The following PTP4A1 variants were observed in gnomAD, a reference collection of about 807,000 sequenced individuals.
The protein encoded by PTP4A1 is protein tyrosine phosphatase type IVA 1.
A neutral mutation model predicts 20.5 loss-of-function variants in PTP4A1; 9 were observed. The ratio of observed to expected loss-of-function variants is 0.44; its 90% CI spans 0.26 to 0.77. The LOEUF is 0.77. Ranked by LOEUF, PTP4A1 falls within the 30% of genes least tolerant of loss-of-function variation. The probability of loss-of-function intolerance (pLI) is 0.19; values close to 1 mark genes in which losing one functional copy is unlikely to be tolerated. For missense variants in PTP4A1, 137 were observed against 218.8 expected, an observed-to-expected ratio of 0.63 and a Z score of 2.36; for synonymous variants, 78 against 67.4, an observed-to-expected ratio of 1.16 and a Z score of -0.77.
chr6:63,518,201 T>A (rs951054868), upstream of PTP4A1, among the ~76,000 whole-genome samples: 1 of 152,046 alleles, frequency 6.6e-6, no homozygotes, highest in Non-Finnish European at 1.5e-5. Context: ...GACTATCCCT[T>A]TACTATGGAA....
At chr6:63,569,467 G>C (rs1453329546), upstream of PTP4A1, among the ~76,000 whole-genome samples, 1 of 152,122 alleles carries the variant, frequency 6.6e-6, no homozygotes, top group Non-Finnish European at 1.5e-5. Context: ...ATGTTGACCA[G>C]GCTGGTCTTG....
upstream of PTP4A1, among the ~76,000 whole-genome samples, chr6:63,519,255 C>T (rs1288630775): frequency 3.3e-5 from 5 of 150,792 alleles, no homozygotes; most frequent in African/African-American, 1.2e-4. Context: ...TGCAGTGAGC[C>T]GAGATCACAC....
chr6:63,580,974 CT>C lies in PTP4A1; in HGVS notation c.*803del, dbSNP rs1300970406. 1 of 152,236 alleles carries C rather than the reference CT, an allele frequency of 6.6e-6. No homozygotes were observed. Among genetic ancestry groups the C allele is most frequent in the South Asian group, 2.1e-4 (1 of 4,824 alleles). 9.4% of individuals were successfully genotyped at this position (152,236 alleles called of 1,614,324 possible). ...TTAATTATTTTTAGCAAAATGTTGC[CT>C]TTGTCTTGTGCAAACATGTAGAATA... On this transcript the variant is annotated 3_prime_UTR_variant, in exon 6 of 6. Transcript: ENST00000626021.
Position 63,576,851 on chromosome 6 carries a change from C to T in PTP4A1, c.-30C>T, listed in dbSNP as rs559418246. The T allele has an allele frequency of 6.4e-7, 1 of 1,551,056 alleles. No individual in the cohort carries two copies. Among genetic ancestry groups the T allele is most frequent in the Non-Finnish European group, 8.9e-7 (1 of 1,128,470 alleles). On this transcript the variant is annotated 5_prime_UTR_variant, in exon 2 of 6. Transcript: ENST00000626021. Reference sequence around the variant, plus strand: ...TTCAATTTTTTTAATTATTTCATAACCCTATTGAGTGTTTTTTAACTAAAT... The same window carrying T: ...TTCAATTTTTTTAATTATTTCATAATCCTATTGAGTGTTTTTTAACTAAAT...
At chr6:63,518,271 T>C (rs1449309218), upstream of PTP4A1, among the ~76,000 whole-genome samples, 4 of 152,216 alleles carry the variant, frequency 2.6e-5, no homozygotes, top group East Asian at 7.7e-4. Flanking sequence ...TAGATTGCTA[T>C]TTTGCTTTCC....
chr6:63,519,011 A>G (rs138626138), upstream of PTP4A1, among the ~76,000 whole-genome samples: 1,308 of 152,282 alleles, frequency 8.6e-3, 23 homozygotes, highest in African/African-American at 0.03. Context: ...ATTCACACTA[A>G]GTGAGATAAA....
Position 63,572,612 on chromosome 6 carries a change from G to A in PTP4A1, c.-553G>A, listed in dbSNP as rs1054579579. 18 of 419,320 alleles carry A rather than the reference G, an allele frequency of 4.3e-5. No homozygotes were observed. The Admixed American group carries it at 6.6e-4, about 15-fold the overall frequency. 26.0% of individuals were successfully genotyped at this position (419,320 alleles called of 1,614,324 possible). ...ATCGCCGCCACCGCCGCTCCGCCAC[G>A]ACCACCGCCGCCTCCTGCCCTGCAG... On this transcript the variant is annotated 5_prime_UTR_variant, in exon 1 of 6. Transcript: ENST00000626021.
intron 3 of PTP4A1, among the ~76,000 whole-genome samples, chr6:63,559,272 T>C (rs1776829076): frequency 6.6e-6 from 1 of 152,218 alleles, no homozygotes; most frequent in Admixed American, 6.5e-5. Flanking sequence ...CATAATATAA[T>C]GATACTTGTA....
intron 3 of PTP4A1, among the ~76,000 whole-genome samples, chr6:63,551,619 G>T (rs2149490419): frequency 6.6e-6 from 1 of 152,152 alleles, no homozygotes; most frequent in Middle Eastern, 3.4e-3. Flanking sequence ...CATGTGCCAT[G>T]TTGGTGTGCT....
upstream of PTP4A1, among the ~76,000 whole-genome samples, chr6:63,520,341 A>G (rs919438458): frequency 6.6e-6 from 1 of 152,176 alleles, no homozygotes. Context: ...TAAAAATGAA[A>G]ATAGACTGGG....
chr6:63,581,008 T>C lies in PTP4A1; in HGVS notation c.*834T>C, dbSNP rs1420004892. On this transcript the variant is annotated 3_prime_UTR_variant, in exon 6 of 6. Transcript: ENST00000626021. ...GTGCAAACATGTAGAATATGCTCTT[T>C]AATTTAGTAAAATATTTTTTTAAAA... 2 of 152,256 alleles carry C rather than the reference T, an allele frequency of 1.3e-5. No individual in the cohort carries two copies. The highest frequency in any genetic ancestry group is 3.8e-4 in the East Asian group (2 of 5,204). 9.4% of individuals were successfully genotyped at this position (152,256 alleles called of 1,614,324 possible).
rs189700469 is a variant in PTP4A1, at chr6:63,574,319, C to T, written c.-446+1600C>T. Among the ~76,000 whole-genome samples, 98 of 152,300 alleles carry T rather than the reference C, an allele frequency of 6.4e-4. 1 individual carries two copies. Among genetic ancestry groups the T allele is most frequent in the Non-Finnish European group, 1.2e-3 (79 of 68,030 alleles). On this transcript the variant is annotated intron_variant, in intron 1 of 5. Coordinates refer to ENST00000626021, the MANE Select transcript of PTP4A1 (RefSeq NM_003463.5). ...TGCACAGAGATTACTCTTTCCTCCT[C>T]TCCCTTCTTGTATATGATTGTGATT...
chr6:63,546,151 A>G (rs1303838181), intron 2 of PTP4A1, among the ~76,000 whole-genome samples: 1 of 152,230 alleles, frequency 6.6e-6, no homozygotes, highest in Non-Finnish European at 1.5e-5. Context: ...AAAGAAAACC[A>G]TATACATAAC....
At chr6:63,520,385 G>A (rs1562109569), upstream of PTP4A1, among the ~76,000 whole-genome samples, 2 of 152,192 alleles carry the variant, frequency 1.3e-5, no homozygotes, top group Admixed American at 1.3e-4. Flanking sequence ...CCAGCACTTT[G>A]GGAGACTGAG....
At chr6:63,542,913 T>C (rs1042574880) in intron 2 of PTP4A1, among the ~76,000 whole-genome samples, 2 of 152,190 alleles carry the variant, frequency 1.3e-5, no homozygotes, top group African/African-American at 4.8e-5. Flanking sequence ...GTCGTGTTCC[T>C]AACCCTTGCA....
Position 63,549,163 on chromosome 6 carries a change from C to A in PTP4A1, c.-639-1137C>A, listed in dbSNP as rs868108346. ...CCAGCAGCTTTCTTTTTGGCCAGGG[C>A]CAACAGCCTCTGTTTCTTCTCTTGC... On this transcript the variant is annotated intron_variant, in intron 2 of 3. Transcript: ENST00000639568. 228 of 684,642 alleles carry A rather than the reference C, an allele frequency of 3.3e-4. 1 individual carries two copies. The Middle Eastern group carries it at 3.9e-3, about 12-fold the overall frequency. The allele number at this position is 684,642 out of a possible 1,614,324, so 42.4% of individuals were successfully genotyped here.
upstream of PTP4A1, among the ~76,000 whole-genome samples, chr6:63,568,120 A>T (rs1036339411): frequency 2.0e-5 from 3 of 152,242 alleles, no homozygotes; most frequent in Admixed American, 2.0e-4. Context: ...TCACTTTCTT[A>T]TCATTCCTGT....
intron 3 of PTP4A1, among the ~76,000 whole-genome samples, chr6:63,552,843 G>T (rs1776513091): frequency 6.6e-6 from 1 of 152,148 alleles, no homozygotes; most frequent in Non-Finnish European, 1.5e-5. Flanking sequence ...TCAGATGATT[G>T]TAGATGTGTG....
At chr6:63,542,421 G>T (rs188928283) in intron 2 of PTP4A1, among the ~76,000 whole-genome samples, 165 of 151,008 alleles carry the variant, frequency 1.1e-3, no homozygotes, top group Non-Finnish European at 2.0e-3. Flanking sequence ...AATAACCTAT[G>T]GAAATAAAAA....
Sources: gnomAD v4.1 joint callset for allele counts (sites outside exome capture counted in the v4.1 genomes callset) on GRCh38, gnomAD v4.1.1 for gene constraint, MANE v1.5 for transcripts, NCBI Gene and HGNC (gene_info 2026-07-23, HGNC 2026-07-21) for gene names.